Variants in LETMD1 observed in about 807,000 individuals in gnomAD.
LETMD1 encodes the protein LETM1 domain containing 1.
Under a neutral mutation model 43.9 loss-of-function variants are expected in LETMD1, and 30 were observed. That is an observed-to-expected ratio of 0.68 (90% CI 0.51 to 0.93). LETMD1 has a LOEUF of 0.93. Ranked by LOEUF, LETMD1 falls within the 40% of genes least tolerant of loss-of-function variation. The probability of loss-of-function intolerance (pLI) is 0.00; values close to 1 mark genes in which losing one functional copy is unlikely to be tolerated. For synonymous variants in LETMD1, 176 were observed against 163.1 expected, an observed-to-expected ratio of 1.08 and a Z score of -0.60; for missense variants, 413 against 447.7, an observed-to-expected ratio of 0.92 and a Z score of 0.70.
chr12:51,068,294 G>A, the LETMD1 span, among the ~76,000 whole-genome samples: 2 of 152,148 alleles, frequency 1.3e-5, no homozygotes, highest in Non-Finnish European at 2.9e-5. Flanking sequence ...TGGGATTACA[G>A]GCGTGAGTCA....
At chr12:51,048,602 C>T (rs148467895) in intron 1 of LETMD1, 124 bp downstream of exon 1, 3 of 1,292,692 alleles carry the variant, frequency 2.3e-6, no homozygotes, top group Non-Finnish European at 3.2e-6. Context: ...TTTTATTCTT[C>T]TGTTCAGGAT....
intron 4 of LETMD1, 24 bp from the exon 5 acceptor site, chr12:51,055,811 G>C (rs1169657592): frequency 6.4e-7 from 1 of 1,558,734 alleles, no homozygotes; most frequent in Non-Finnish European, 8.7e-7. Context: ...CAGCAAGTGA[G>C]TTTGTGATTC....
chr12:51,067,168 A>ACAGTATTTAGGAAATACTGTTTAGGAAT, the LETMD1 span, among the ~76,000 whole-genome samples: 1,535 of 151,800 alleles, frequency 0.01, 15 homozygotes, highest in Middle Eastern at 0.02. This position sits in a 1 kb window ranked among gnomAD's most constrained non-coding sequence, Gnocchi z 4.1. Flanking sequence ...TATTTAGGAA[A>ACAGTATTTAGGAAATACTGTTTAGGAAT]CAGTATTTAG....
chr12:51,063,871 A>G, downstream of LETMD1: 1 of 1,614,128 alleles, frequency 6.2e-7, no homozygotes, highest in Non-Finnish European at 8.5e-7. Context: ...GAGGGGGACC[A>G]GGAAGGGTGG....
chr12:51,067,269 T>C, the LETMD1 span, among the ~76,000 whole-genome samples: 7 of 152,198 alleles, frequency 4.6e-5, no homozygotes, highest in Admixed American at 2.0e-4. The surrounding 1 kb of genome is among the most constrained non-coding windows in gnomAD (Gnocchi z 4.1). Flanking sequence ...CAGCTGCTTC[T>C]TATCACCTCT....
In LETMD1 at chr12:51,056,513, G is replaced by A; in HGVS notation, c.915+11G>A. The stretch of plus-strand genomic sequence containing the variant: ...CAGGAAGTAAAATCGGTAAGAGCTT[G>A]ATTGCAACATCAACCCTCAACCCTT... On this transcript the variant is annotated intron_variant, in intron 7 of 8. Transcript: ENST00000262055. The A allele has an allele frequency of 6.2e-7, 1 of 1,614,088 alleles. No individual in the cohort carries two copies. The highest frequency in any genetic ancestry group is 1.1e-5 in the South Asian group (1 of 91,080).
chr12:51,068,011 G>A, the LETMD1 span: 1 of 1,570,688 alleles, frequency 6.4e-7, no homozygotes, highest in Non-Finnish European at 8.7e-7. Flanking sequence ...GACATGAGCG[G>A]CATGCACCTC....
chr12:51,059,578 C>A lies in LETMD1; in HGVS notation c.*147C>A. Reference sequence around the variant, plus strand: ...AGGGGCCATGGGCTTCACAGCATGGCACACATGTGGGAACTGCAGACATTC... The same window carrying A: ...AGGGGCCATGGGCTTCACAGCATGGAACACATGTGGGAACTGCAGACATTC... On this transcript the variant is annotated 3_prime_UTR_variant, in exon 9 of 9. Coordinates refer to ENST00000262055, the MANE Select transcript of LETMD1 (RefSeq NM_015416.5). The A allele has an allele frequency of 2.8e-6, 2 of 712,438 alleles. No individual in the cohort carries two copies. Among genetic ancestry groups the A allele is most frequent in the Non-Finnish European group, 5.0e-6 (2 of 396,446 alleles). 44.1% of individuals were successfully genotyped at this position (712,438 alleles called of 1,614,324 possible). A position where few individuals can be genotyped will look rare whatever the true frequency, so the allele number is the denominator to read the frequency against.
the LETMD1 span, among the ~76,000 whole-genome samples, chr12:51,067,003 T>C: frequency 1.4e-5 from 2 of 141,926 alleles, no homozygotes; most frequent in Non-Finnish European, 3.0e-5. This position sits in a 1 kb window ranked among gnomAD's most constrained non-coding sequence, Gnocchi z 4.1. Context: ...CTAATTTTTG[T>C]ATTTTTTGTA....
intron 2 of LETMD1, among the ~76,000 whole-genome samples, chr12:51,051,361 G>A (rs758315346): frequency 1.7e-4 from 26 of 149,058 alleles, no homozygotes; most frequent in Middle Eastern, 3.7e-3. Context: ...CCGAGATTGC[G>A]CCACTGCACT....
the LETMD1 span, among the ~76,000 whole-genome samples, chr12:51,066,138 G>A: frequency 2.0e-5 from 3 of 151,906 alleles, no homozygotes; most frequent in African/African-American, 4.8e-5. Context: ...CGGCCAACAT[G>A]ATGAAACCCT....
At chr12:51,054,505 G>A (rs1052958121) in intron 4 of LETMD1, among the ~76,000 whole-genome samples, 2 of 152,172 alleles carry the variant, frequency 1.3e-5, no homozygotes, top group South Asian at 2.1e-4. Context: ...ATGGCTACAC[G>A]GCTAGAACTG....
At chr12:51,063,668 A>ATGGTGTTTT, downstream of LETMD1, 1 of 1,117,696 alleles carries the variant, frequency 8.9e-7, no homozygotes, top group African/African-American at 1.6e-5. Context: ...CTGCTTCTAC[A>ATGGTGTTTT]GTTTTGTTTT....
intron 1 of LETMD1, 185 bp from the exon 2 acceptor site, chr12:51,048,848 CT>C: frequency 1.6e-6 from 1 of 630,592 alleles, no homozygotes. Flanking sequence ...CCTGCCTGGC[CT>C]TTGCCTGATT....
At chr12:51,065,899 T>C in the LETMD1 span, among the ~76,000 whole-genome samples, 2 of 152,170 alleles carry the variant, frequency 1.3e-5, no homozygotes, top group African/African-American at 2.4e-5. Flanking sequence ...AAGAGTGAGT[T>C]AGGAGAAATC....
At chr12:51,064,376 C>T (rs1937890526), downstream of LETMD1, 1 of 1,614,232 alleles carries the variant, frequency 6.2e-7, no homozygotes, top group South Asian at 1.1e-5. Context: ...CCTTGAGCCG[C>T]TCCAGTTCCT....
At chr12:51,052,290 G>C (rs780609896) in intron 3 of LETMD1, 83 bp downstream of exon 3, 1 of 1,519,166 alleles carries the variant, frequency 6.6e-7, no homozygotes. Context: ...TCTTTCATTT[G>C]TTGTTCACCA....
At chr12:51,068,119 G>A in the LETMD1 span, 1 of 664,446 alleles carries the variant, frequency 1.5e-6, no homozygotes, top group East Asian at 2.7e-5. Flanking sequence ...AGCACATGTG[G>A]CTACTGAGCA....
chr12:51,058,038 T>TA lies in LETMD1; in HGVS notation c.923dup (p.Tyr308Ter). 1 of 1,609,732 alleles carries TA rather than the reference T, an allele frequency of 6.2e-7. No individual in the cohort carries two copies. ...LTAQEVKSAC[Y>*]LRGLNSTHIG... ...TCTGTTCTGAGTGGTATAGGCTTGTTATCTCCGTGGCCTGAATTCTACGCA... is the reference window on the plus strand; with the variant it reads ...TCTGTTCTGAGTGGTATAGGCTTGTTAATCTCCGTGGCCTGAATTCTACGCA... Residue 308 changes from tyrosine (Y) to a stop codon, truncating the protein, a stop_gained and frameshift_variant, in exon 8 of 9, where the codon TAT (tyrosine) becomes TAAT (stop). Coordinates refer to ENST00000262055, the MANE Select transcript of LETMD1 (RefSeq NM_015416.5). LOFTEE classifies it high-confidence loss of function.
Sources: allele counts gnomAD v4.1 joint callset (sites outside exome capture counted in the v4.1 genomes callset), GRCh38; gene constraint gnomAD v4.1.1; non-coding constraint Gnocchi (gnomAD v3.1); transcripts MANE v1.5; gene names NCBI Gene and HGNC (gene_info 2026-07-23, HGNC 2026-07-21).